WNK3: variants seen among roughly 807,000 people sequenced by gnomAD.
The protein encoded by WNK3 is WNK lysine deficient protein kinase 3.
In WNK3, 18 loss-of-function variants were observed where a neutral mutation model predicts 116.7. The ratio of observed to expected loss-of-function variants is 0.15; its 90% CI spans 0.11 to 0.23. WNK3 has a LOEUF of 0.23. Among genes scored for constraint, WNK3 ranks in the 10% least tolerant of loss-of-function variants. The probability of loss-of-function intolerance (pLI) is 1.00; values close to 1 mark genes in which losing one functional copy is unlikely to be tolerated. For missense variants in WNK3, 993 were observed against 1,323.8 expected (o/e 0.75, Z 3.88); for synonymous variants, 404 against 469.4 (o/e 0.86, Z 1.80).
chrX:54,328,903 C>A (rs2069136168), intron 2 of WNK3, among the ~76,000 whole-genome samples: 1 of 110,681 alleles, frequency 9.0e-6, no homozygotes, highest in African/African-American at 3.3e-5. Context: ...GACTCTCCTG[C>A]CTCAACCTTC....
rs2068095665 is a variant in WNK3 at position 54,248,597 on chromosome X, T to C, written c.3651+100A>G. ...CCTGTGACCTCAGCATCTTGTGACA[T>C]AGACCATTTCATCTCAAAGGACAGA... is the stretch of plus-strand genomic sequence containing the variant. On this transcript the variant is annotated intron_variant, in intron 17 of 23. Coordinates refer to ENST00000354646, the Ensembl canonical transcript of WNK3. 4 of 741,338 alleles carry C rather than the reference T, an allele frequency of 5.4e-6. No homozygotes were observed. The East Asian group carries it at 1.4e-4, about 26-fold the overall frequency. 61.1% of individuals were successfully genotyped at this position (741,338 alleles called of 1,213,427 possible).
At chrX:54,358,871 G>C (rs1191199912), upstream of WNK3, among the ~76,000 whole-genome samples, 2 of 112,617 alleles carry the variant, frequency 1.8e-5, no homozygotes, top group Non-Finnish European at 3.8e-5. Context: ...GGGGATTTCC[G>C]ACGCCATTTT....
In WNK3 at chrX:54,316,595, C is replaced by T. The variant is rs146654731; in HGVS notation, c.538-5304G>A. 6.5e-3 allele frequency among the ~76,000 whole-genome samples: 698 copies of T among 107,826 alleles called. 3 individuals carry two copies. Among genetic ancestry groups the T allele is most frequent in the African/African-American group, 0.022 (651 of 29,723 alleles). 93.6% of individuals were successfully genotyped at this position (107,826 alleles called of 115,157 possible). A position where few individuals can be genotyped will look rare whatever the true frequency, so the allele number is the denominator to read the frequency against. ...AAGAGAAAGCTCACTCCCAACTCTC[C>T]TCACCAAGCCATGAAGAGAGCCCTC... On this transcript the variant is annotated intron_variant, in intron 2 of 23. Transcript: ENST00000354646.
chrX:54,233,213 C>G (rs1472908886), intron 20 of WNK3, among the ~76,000 whole-genome samples, 193 bp from the exon 21 acceptor site: 1 of 103,375 alleles, frequency 9.7e-6, no homozygotes, highest in Non-Finnish European at 2.0e-5. Context: ...TTGTTTCAGA[C>G]TAGAAGTTCG....
chrX:54,255,821 G>A (rs55819333), exon 12 of WNK3: 4 of 1,206,854 alleles, frequency 3.3e-6, no homozygotes, highest in Non-Finnish European at 4.5e-6. Flanking sequence ...GATCCTGTTT[G>A]CCATTTCCAC....
chrX:54,242,957 T>C (rs1292835371), intron 17 of WNK3, among the ~76,000 whole-genome samples: 1 of 110,753 alleles, frequency 9.0e-6, no homozygotes, highest in Non-Finnish European at 1.9e-5. Context: ...AGACTTAGCA[T>C]CCAGAATATA....
At chrX:54,341,384 G>A (rs1469701686) in intron 1 of WNK3, among the ~76,000 whole-genome samples, 1 of 108,999 alleles carries the variant, frequency 9.2e-6, no homozygotes, top group Non-Finnish European at 1.9e-5. Flanking sequence ...GCGAAAGAGT[G>A]AAGCTCCATC....
intron 22 of WNK3, among the ~76,000 whole-genome samples, chrX:54,224,929 A>T (rs922513322): frequency 6.3e-5 from 7 of 110,855 alleles, no homozygotes; most frequent in Non-Finnish European, 1.1e-4. Context: ...TGATCAACAG[A>T]GAAATAGAAG....
intron 2 of WNK3, among the ~76,000 whole-genome samples, chrX:54,328,710 T>C: frequency 8.9e-6 from 1 of 112,727 alleles, no homozygotes. Context: ...TGTTGTTTTC[T>C]GTGTAAATTA....
At position 54,238,989 on chromosome X, in the gene WNK3, G is replaced by T. The variant is rs1557150915; in HGVS notation, c.3762C>A (p.Ser1254Arg). ...GATTTTTGAGACTAGGACAAGTAAA[G>T]CTTAGGCCAAAATATCCACCTCCTG... Residue 1254 changes from serine (S) to arginine (R), a missense_variant, in exon 18 of 24, where the codon AGC (serine) becomes AGA (arginine). Physicochemically the swap from Ser to Arg is moderately radical, Grantham distance 110. Transcript: ENST00000354646. 7 of 1,208,131 alleles carry T rather than the reference G, an allele frequency of 5.8e-6. No individual in the cohort carries two copies. In the South Asian group the frequency reaches 1.2e-4, roughly 21 times the overall value.
intron 10 of WNK3, among the ~76,000 whole-genome samples, chrX:54,261,807 T>A: frequency 8.9e-6 from 1 of 112,252 alleles, no homozygotes; most frequent in Non-Finnish European, 1.9e-5. Context: ...AACATCTAAT[T>A]TTTTTGCTAT....
At chrX:54,274,162 C>A (rs917368820) in intron 10 of WNK3, among the ~76,000 whole-genome samples, 2 of 111,522 alleles carry the variant, frequency 1.8e-5, no homozygotes, top group South Asian at 7.5e-4. Context: ...GAGATTAACT[C>A]TTTAATTAAC....
intron 10 of WNK3, among the ~76,000 whole-genome samples, chrX:54,283,340 C>T (rs1178923326): frequency 9.0e-6 from 1 of 111,407 alleles, no homozygotes; most frequent in Non-Finnish European, 1.9e-5. Flanking sequence ...AGATATTTCT[C>T]CAAAGATAAT....
intron 22 of WNK3, among the ~76,000 whole-genome samples, chrX:54,220,096 A>G (rs2067745408): frequency 8.9e-6 from 1 of 112,109 alleles, no homozygotes; most frequent in African/African-American, 3.2e-5. Flanking sequence ...ACCTAATGTT[A>G]AGTATCAAAA....
chrX:54,255,646 G>A (rs2068183874), intron 12 of WNK3, 94 bp downstream of exon 12: 3 of 819,168 alleles, frequency 3.7e-6, no homozygotes, highest in Non-Finnish European at 3.3e-6. Flanking sequence ...AGAGGGTCTC[G>A]CAATATTCTA....
intron 22 of WNK3, among the ~76,000 whole-genome samples, chrX:54,214,416 AAGG>A (rs1268021172): frequency 8.9e-6 from 1 of 112,216 alleles, no homozygotes; most frequent in Non-Finnish European, 1.9e-5. Flanking sequence ...ATAGAAAAGG[AAGG>A]AGAAGATGGA....
chrX:54,208,917 A>T (rs1434701738), intron 22 of WNK3, among the ~76,000 whole-genome samples: 2 of 111,922 alleles, frequency 1.8e-5, no homozygotes, highest in Non-Finnish European at 3.8e-5. Flanking sequence ...CAACAGGTGT[A>T]CACATTTCTA....
chrX:54,249,478 G>A, exon 17 of WNK3: 2 of 1,211,556 alleles, frequency 1.7e-6, no homozygotes, highest in Non-Finnish European at 2.2e-6. Context: ...AAGTATAGCT[G>A]GCTGCTTGGT....
chrX:54,330,399 A>C (rs1179594680), intron 2 of WNK3, among the ~76,000 whole-genome samples: 1 of 110,396 alleles, frequency 9.1e-6, no homozygotes, highest in Non-Finnish European at 1.9e-5. Flanking sequence ...AAACAAACAA[A>C]AAACACTATT....
Sources: allele counts gnomAD v4.1 joint callset (sites outside exome capture counted in the v4.1 genomes callset), GRCh38; gene constraint gnomAD v4.1.1; transcripts MANE v1.5; gene names NCBI Gene and HGNC (gene_info 2026-07-23, HGNC 2026-07-21).